The following PURG variants were observed in gnomAD, a reference collection of about 807,000 sequenced individuals.
PURG encodes purine rich element binding protein G, also known as purine-rich element-binding protein gamma.
PURG carries 3 observed loss-of-function variants against 24.3 expected under a neutral mutation model. The observed-to-expected ratio is 0.12, with a 90% confidence interval of 0.06 to 0.32. The LOEUF (loss-of-function observed/expected upper bound fraction) is 0.32. Ranked by LOEUF, PURG falls within the 10% of genes least tolerant of loss-of-function variation. PURG has a pLI of 1.00. For synonymous variants in PURG, 180 were observed against 173.1 expected, an observed-to-expected ratio of 1.04 and a Z score of -0.31; for missense variants, 371 against 439.1, an observed-to-expected ratio of 0.84 and a Z score of 1.39.
intron 1 of PURG, among the ~76,000 whole-genome samples, chr8:31,011,616 A>T (rs577980059): frequency 6.6e-6 from 1 of 152,338 alleles, no homozygotes; most frequent in African/African-American, 2.4e-5. Flanking sequence ...ATGTACCAAC[A>T]AACTGTCTAG....
intron 1 of PURG, among the ~76,000 whole-genome samples, chr8:31,000,105 G>C (rs1736721393): frequency 6.6e-6 from 1 of 151,996 alleles, no homozygotes; most frequent in South Asian, 2.1e-4. Context: ...TAAACACTGA[G>C]GTTTCTAGCC....
chr8:31,008,428 C>T (rs1336668008), intron 1 of PURG, among the ~76,000 whole-genome samples: 7 of 152,120 alleles, frequency 4.6e-5, no homozygotes, highest in Non-Finnish European at 7.4e-5. Context: ...CTCAGCCTCC[C>T]GAGTAGCTGG....
chr8:31,029,036 T>C (rs1223395676), downstream of PURG, among the ~76,000 whole-genome samples: 1 of 151,856 alleles, frequency 6.6e-6, no homozygotes, highest in African/African-American at 2.4e-5. Context: ...ATGTTACAAA[T>C]GACAATAAAT....
chr8:31,013,221 C>CCT, intron 1 of PURG, among the ~76,000 whole-genome samples: 1 of 152,180 alleles, frequency 6.6e-6, no homozygotes, highest in Non-Finnish European at 1.5e-5. Context: ...TGGTGATCAA[C>CCT]AAACCAAATC....
chr8:31,001,164 A>G (rs972948822), intron 1 of PURG, among the ~76,000 whole-genome samples: 2 of 152,188 alleles, frequency 1.3e-5, no homozygotes, highest in African/African-American at 2.4e-5. Flanking sequence ...ACAACATTCC[A>G]CAATTTATCT....
intron 1 of PURG, among the ~76,000 whole-genome samples, chr8:31,020,317 A>T (rs1350468352): frequency 2.6e-5 from 4 of 152,230 alleles, no homozygotes; most frequent in African/African-American, 9.6e-5. Context: ...GTAACTATGA[A>T]CAATTTGAGC....
Position 31,031,488 on chromosome 8 carries a change from A to G in PURG, c.*251T>C. ...AATGTCACATTTTGTGCTGATTTGC[A>G]TACTTCAATAGTCTGGAGCAGTTGA... is the stretch of plus-strand genomic sequence containing the variant. On this transcript the variant is annotated 3_prime_UTR_variant, in exon 2 of 2. Coordinates refer to ENST00000523392, the MANE Select transcript of PURG (RefSeq NM_001323311.2). The G allele has an allele frequency of 2.2e-6, 1 of 464,320 alleles. No individual in the cohort carries two copies. The highest frequency in any genetic ancestry group is 3.8e-6 in the Non-Finnish European group (1 of 263,090). 28.8% of individuals were successfully genotyped at this position (464,320 alleles called of 1,614,324 possible). A position where few individuals can be genotyped will look rare whatever the true frequency, so the allele number is the denominator to read the frequency against.
intron 1 of PURG, among the ~76,000 whole-genome samples, chr8:31,015,444 A>G (rs963609492): frequency 6.6e-6 from 1 of 152,180 alleles, no homozygotes; most frequent in Non-Finnish European, 1.5e-5. Context: ...CTCCTGATAA[A>G]TGATAGGTTT....
intron 1 of PURG, among the ~76,000 whole-genome samples, chr8:31,019,210 C>A: frequency 9.2e-6 from 1 of 108,942 alleles, no homozygotes; most frequent in Non-Finnish European, 1.7e-5. Context: ...TAATTTTGAT[C>A]AACATATTAA....
downstream of PURG, among the ~76,000 whole-genome samples, chr8:31,027,743 A>G (rs1320982033): frequency 1.3e-5 from 2 of 151,802 alleles, no homozygotes; most frequent in African/African-American, 4.8e-5. Flanking sequence ...GTTAGTACAC[A>G]GTGTTTCTCA....
chr8:31,021,170 A>G (rs990445328), intron 1 of PURG, among the ~76,000 whole-genome samples: 3 of 152,210 alleles, frequency 2.0e-5, no homozygotes, highest in Non-Finnish European at 4.4e-5. Context: ...TGAGACATCA[A>G]TAAGATGGCA....
intron 1 of PURG, among the ~76,000 whole-genome samples, chr8:31,006,806 T>C (rs1381697877): frequency 6.6e-6 from 1 of 152,224 alleles, no homozygotes; most frequent in Non-Finnish European, 1.5e-5. Context: ...TAAACGAATG[T>C]TCTTGTTCCC....
intron 1 of PURG, among the ~76,000 whole-genome samples, chr8:30,998,805 C>T (rs1253228316): frequency 6.6e-6 from 1 of 151,708 alleles, no homozygotes; most frequent in African/African-American, 2.4e-5. Context: ...TCATTTTATC[C>T]ATTCATTCAT....
intron 1 of PURG, among the ~76,000 whole-genome samples, chr8:31,003,761 C>CA (rs374776136): frequency 0.1 from 15,536 of 149,240 alleles, 829 homozygotes; most frequent in South Asian, 0.15. Flanking sequence ...GACTCCATCT[C>CA]AAAAAAAAAC....
At chr8:31,005,492 G>T (rs1351375385) in intron 1 of PURG, among the ~76,000 whole-genome samples, 1 of 151,704 alleles carries the variant, frequency 6.6e-6, no homozygotes, top group Non-Finnish European at 1.5e-5. Context: ...CAATTAACAG[G>T]GGATTCCAGA....
At chr8:31,008,286 T>C (rs1044824673) in intron 1 of PURG, among the ~76,000 whole-genome samples, 3 of 152,218 alleles carry the variant, frequency 2.0e-5, no homozygotes, top group African/African-American at 4.8e-5. Context: ...CAGCCTTATG[T>C]ACCTGAAGGC....
chr8:31,031,723 G>GGA lies in PURG; in HGVS notation c.*14_*15dup. Reference sequence around the variant, plus strand: ...TTTGTGATTTTAAATTTTGCCTGATGGAGTTCAATTTCACTCTAGTCGAGG... The same window carrying GGA: ...TTTGTGATTTTAAATTTTGCCTGATGGAGAGTTCAATTTCACTCTAGTCGAGG... On this transcript the variant is annotated 3_prime_UTR_variant, in exon 2 of 2. Transcript: ENST00000523392. The GGA allele has an allele frequency of 6.5e-7, 1 of 1,527,596 alleles. No individual in the cohort carries two copies. The highest frequency in any genetic ancestry group is 8.8e-7 in the Non-Finnish European group (1 of 1,136,814). 94.6% of individuals were successfully genotyped at this position (1,527,596 alleles called of 1,614,324 possible).
chr8:31,032,155 C>G lies in PURG; in HGVS notation c.628G>C (p.Gly210Arg), dbSNP rs1338687073. The part of the protein sequence containing the change: ...QTMMRGTGMI[G>R]YFGHSLGQEQ... ...TGGCCCAAACTGTGGCCAAAATAAC[C>G]TATCATGCCAGTCCCCCGCATCATG... The change falls in exon 2 of 2, where the codon GGT (glycine) becomes CGT (arginine). Residue 210 changes from glycine (G) to arginine (R), a missense_variant. Around this residue, in one of 5 missense-constraint regions of PURG, gnomAD observed 41 missense variants for 29.8 expected, o/e 1.38. Coordinates refer to ENST00000523392, the MANE Select transcript of PURG (RefSeq NM_001323311.2). This position sits in a 1 kb window ranked among gnomAD's most constrained non-coding sequence, Gnocchi z 5.9. The G allele has an allele frequency of 6.2e-7, 1 of 1,614,216 alleles. No individual in the cohort carries two copies. The highest frequency in any genetic ancestry group is 8.5e-7 in the Non-Finnish European group (1 of 1,180,038).
chr8:31,005,761 TTTC>T (rs2129784021), intron 1 of PURG, among the ~76,000 whole-genome samples: 1 of 81,374 alleles, frequency 1.2e-5, no homozygotes, highest in Non-Finnish European at 2.4e-5. Flanking sequence ...GCTTAGCATT[TTTC>T]TTTTTTCTTT....
Sources: allele counts gnomAD v4.1 joint callset (sites outside exome capture counted in the v4.1 genomes callset), GRCh38; gene constraint gnomAD v4.1.1; regional missense constraint gnomAD v4.1.1; non-coding constraint Gnocchi (gnomAD v3.1); transcripts MANE v1.5; gene names NCBI Gene and HGNC (gene_info 2026-07-23, HGNC 2026-07-21).